IMPA1: variants seen among roughly 807,000 people sequenced by gnomAD.
IMPA1 encodes the protein D-galactose 1-phosphate phosphatase.
A neutral mutation model predicts 34.9 loss-of-function variants in IMPA1; 21 were observed. That is an observed-to-expected ratio of 0.60 (90% CI 0.43 to 0.87). The LOEUF (loss-of-function observed/expected upper bound fraction) is 0.87, where lower values mean the gene tolerates loss of function less well. IMPA1 is among the 40% of genes least tolerant of loss of function. The pLI is 0.00. For synonymous variants in IMPA1, 95 were observed against 104.4 expected, an observed-to-expected ratio of 0.91 and a Z score of 0.55; for missense variants, 299 against 336.4, an observed-to-expected ratio of 0.89 and a Z score of 0.87.
At chr8:81,681,391 G>A (rs990101128) in intron 2 of IMPA1, 107 bp downstream of exon 2, 3 of 701,038 alleles carry the variant, frequency 4.3e-6, no homozygotes, top group African/African-American at 1.8e-5. Context: ...AAGCAAGACC[G>A]TTTCAAAAAA....
rs192605323 is a variant in IMPA1 at position 81,679,677 on chromosome 8, C to T, written c.198-447G>A. ...CACTTTTCTATTGTTGCTTCTTCTT[C>T]CTTCAGGTAAAGACTGATAAATGTA... On this transcript the variant is annotated intron_variant, in intron 3 of 8. Coordinates refer to ENST00000256108, the MANE Select transcript of IMPA1 (RefSeq NM_005536.4). 1.6e-4 allele frequency among the ~76,000 whole-genome samples: 24 copies of T among 151,634 alleles called. No individual in the cohort carries two copies. In the East Asian group the frequency reaches 4.7e-3, roughly 29 times the overall value.
intron 7 of IMPA1, among the ~76,000 whole-genome samples, chr8:81,667,868 G>C (rs1007255878): frequency 1.3e-5 from 2 of 150,464 alleles, no homozygotes; most frequent in Non-Finnish European, 2.9e-5. Context: ...CTGTTACCCA[G>C]GCTGGAGTGC....
chr8:81,663,300 A>G (rs1400790929), intron 7 of IMPA1, among the ~76,000 whole-genome samples: 1 of 152,218 alleles, frequency 6.6e-6, no homozygotes, highest in Non-Finnish European at 1.5e-5. Flanking sequence ...CAAGGGCATC[A>G]TTCTGGGAGG....
chr8:81,677,579 T>C (rs991660190), intron 4 of IMPA1, among the ~76,000 whole-genome samples: 1 of 152,204 alleles, frequency 6.6e-6, no homozygotes, highest in South Asian at 2.1e-4. Context: ...AACTGCTGAC[T>C]CACAAGAGAA....
At chr8:81,674,510 T>C (rs1215044695) in intron 5 of IMPA1, 3 of 251,988 alleles carry the variant, frequency 1.2e-5, no homozygotes, top group South Asian at 4.2e-5. Flanking sequence ...CAAACTTTCT[T>C]TGTTGCCTCA....
chr8:81,674,143 C>G, intron 5 of IMPA1, 194 bp from the exon 6 acceptor site: 1 of 497,920 alleles, frequency 2.0e-6, no homozygotes, highest in Non-Finnish European at 3.6e-6. Context: ...CCTTGACTCT[C>G]CTCCCATCCA....
chr8:81,683,695 C>T (rs1343030483), intron 1 of IMPA1, among the ~76,000 whole-genome samples: 1 of 152,152 alleles, frequency 6.6e-6, no homozygotes, highest in African/African-American at 2.4e-5. Context: ...GCAGCTGAAT[C>T]ATGGATCCTG....
chr8:81,664,086 T>C (rs942444209), intron 7 of IMPA1, among the ~76,000 whole-genome samples: 5 of 152,236 alleles, frequency 3.3e-5, no homozygotes, highest in East Asian at 1.9e-4. Context: ...ATTAACTATA[T>C]TAAAGTTAAG....
chr8:81,667,009 A>C (rs1483572441), intron 7 of IMPA1, among the ~76,000 whole-genome samples: 1 of 152,124 alleles, frequency 6.6e-6, no homozygotes, highest in Non-Finnish European at 1.5e-5. Context: ...TTATGAATAA[A>C]CATCAAATAA....
intron 6 of IMPA1, among the ~76,000 whole-genome samples, chr8:81,672,844 T>C (rs1807027063): frequency 1.3e-5 from 2 of 152,186 alleles, no homozygotes; most frequent in African/African-American, 2.4e-5. Context: ...ATTTACTTTG[T>C]AGTAATTGGT....
intron 1 of IMPA1, chr8:81,685,616 T>C: frequency 4.2e-6 from 1 of 236,246 alleles, no homozygotes; most frequent in Middle Eastern, 2.2e-3. Context: ...ATATATACTA[T>C]ACATAAGTAT....
At position 81,657,517 on chromosome 8, in the gene IMPA1, A is replaced by G. The variant is rs1327049078; in HGVS notation, c.*1834T>C. ...GACTGCTTGAGCCCAGAAGGTTGAG[A>G]CTGCAATGAATGGTGATCATGCCAC... On this transcript the variant is annotated 3_prime_UTR_variant, in exon 9 of 9. Coordinates refer to ENST00000256108, the MANE Select transcript of IMPA1 (RefSeq NM_005536.4). Among the ~76,000 whole-genome samples, 1 of 152,072 alleles carries G rather than the reference A, an allele frequency of 6.6e-6. No homozygotes were observed. The highest frequency in any genetic ancestry group is 1.5e-5 in the Non-Finnish European group (1 of 68,000).
intron 7 of IMPA1, among the ~76,000 whole-genome samples, chr8:81,666,818 C>T (rs1585891699): frequency 1.5e-5 from 2 of 133,294 alleles, no homozygotes; most frequent in Non-Finnish European, 1.5e-5. Context: ...TGCAGTGAAC[C>T]GAGATTGTGC....
In IMPA1 at chr8:81,657,027, T is replaced by C. The variant is rs1806537660; in HGVS notation, c.*2324A>G. Among the ~76,000 whole-genome samples, 1 of 152,212 alleles carries C rather than the reference T, an allele frequency of 6.6e-6. No homozygotes were observed. The highest frequency in any genetic ancestry group is 1.5e-5 in the Non-Finnish European group (1 of 68,030). On this transcript the variant is annotated 3_prime_UTR_variant, in exon 9 of 9. Transcript: ENST00000256108. ...AAAGATAATATACCCTGATACAAAA[T>C]ATACATGTTAAGTCTAAGAAGTCCT...
intron 7 of IMPA1, among the ~76,000 whole-genome samples, chr8:81,670,056 T>C (rs2130276840): frequency 6.6e-6 from 1 of 152,346 alleles, no homozygotes; most frequent in Non-Finnish European, 1.5e-5. Flanking sequence ...TCCTCAGCCT[T>C]GGGCTTCTGA....
intron 1 of IMPA1, chr8:81,685,738 T>C (rs1807498495): frequency 2.1e-6 from 3 of 1,418,524 alleles, no homozygotes; most frequent in Non-Finnish European, 2.8e-6. Flanking sequence ...CATTTATTGA[T>C]GGGCAGGGTC....
intron 1 of IMPA1, among the ~76,000 whole-genome samples, chr8:81,681,853 C>T (rs760432995): frequency 2.2e-4 from 34 of 152,110 alleles, no homozygotes; most frequent in Non-Finnish European, 4.3e-4. Flanking sequence ...CCAAAACATT[C>T]GTTTGGAGAA....
At chr8:81,669,959 T>C (rs1806941388) in intron 7 of IMPA1, among the ~76,000 whole-genome samples, 2 of 152,280 alleles carry the variant, frequency 1.3e-5, no homozygotes, top group Admixed American at 1.3e-4. Flanking sequence ...AGACCTGAGC[T>C]AGCATGCTCA....
rs1344402438 is a variant in IMPA1, at chr8:81,657,246, T to C, written c.*2105A>G. Among the ~76,000 whole-genome samples, 1 of 152,168 alleles carries C rather than the reference T, an allele frequency of 6.6e-6. No homozygotes were observed. The highest frequency in any genetic ancestry group is 2.4e-5 in the African/African-American group (1 of 41,440). On this transcript the variant is annotated 3_prime_UTR_variant, in exon 9 of 9. Transcript: ENST00000256108. ...TACAGGCAAAAAATAAGAACATATA[T>C]TAAATTACATTTGCAAGTTTCAAAT...
Sources: allele counts gnomAD v4.1 joint callset (sites outside exome capture counted in the v4.1 genomes callset), GRCh38; gene constraint gnomAD v4.1.1; transcripts MANE v1.5; gene names NCBI Gene and HGNC (gene_info 2026-07-23, HGNC 2026-07-21).